Variants in COQ3 observed in about 807,000 individuals in gnomAD.
COQ3 encodes the protein coenzyme Q3, methyltransferase.
In COQ3, 29 loss-of-function variants were observed where a neutral mutation model predicts 33.1. That is an observed-to-expected ratio of 0.88 (90% CI 0.65 to 1.19). COQ3 has a LOEUF of 1.19. COQ3 is among the 50% of genes most tolerant of loss of function. The pLI is 0.00. For synonymous variants in COQ3, 173 were observed against 157.8 expected, an observed-to-expected ratio of 1.10 and a Z score of -0.72; for missense variants, 437 against 430.7, an observed-to-expected ratio of 1.01 and a Z score of -0.13.
rs961112236 is a variant in COQ3, at chr6:99,375,932, A to G, written c.729+8T>C. The G allele has an allele frequency of 6.2e-7, 1 of 1,613,752 alleles. No individual in the cohort carries two copies. Among genetic ancestry groups the G allele is most frequent in the Non-Finnish European group, 8.5e-7 (1 of 1,179,960 alleles). On this transcript the variant is annotated splice_region_variant and intron_variant, in intron 5 of 6. Transcript: ENST00000254759. Reference sequence around the variant, plus strand: ...AAGAAACCAAGATGTAAACTCCATAAGCCTTACTTTTAACACTTGACAGCA... The same window carrying G: ...AAGAAACCAAGATGTAAACTCCATAGGCCTTACTTTTAACACTTGACAGCA...
rs771217886 is a variant in COQ3, at chr6:99,376,189, G to A, written c.487-7C>T. 2 of 1,610,228 alleles carry A rather than the reference G, an allele frequency of 1.2e-6. No individual in the cohort carries two copies. The highest frequency in any genetic ancestry group is 1.7e-4 in the Middle Eastern group (1 of 6,038). On this transcript the variant is annotated splice_polypyrimidine_tract_variant and splice_region_variant and intron_variant, in intron 4 of 6. Transcript: ENST00000254759. Reference sequence around the variant, plus strand: ...CCCCAAGCCGCCCTAGAGGCTAATGGCATTAAAAAAACTGTTACCCTCAGG... The same window carrying A: ...CCCCAAGCCGCCCTAGAGGCTAATGACATTAAAAAAACTGTTACCCTCAGG...
Position 99,377,380 on chromosome 6 carries a change from A to G in COQ3, c.486+6T>C. The G allele has an allele frequency of 6.2e-7, 1 of 1,607,304 alleles. No individual in the cohort carries two copies. Among genetic ancestry groups the G allele is most frequent in the East Asian group, 2.2e-5 (1 of 44,790 alleles). ...AGTTAAAAATGGCAGGAAAGCTGTC[A>G]CTTACTTCAGTTAACAGCCCACCAC... is the stretch of plus-strand genomic sequence containing the variant. On this transcript the variant is annotated splice_donor_region_variant and intron_variant, in intron 4 of 6. Coordinates refer to ENST00000254759, the MANE Select transcript of COQ3 (RefSeq NM_017421.4).
intron 1 of COQ3, among the ~76,000 whole-genome samples, chr6:99,389,910 T>C (rs550472534): frequency 6.6e-6 from 1 of 152,280 alleles, no homozygotes; most frequent in South Asian, 2.1e-4. Context: ...GGTCAGGAGT[T>C]TGAGACCAGG....
At position 99,375,927 on chromosome 6, in the gene COQ3, C is replaced by T. The variant is rs1368354168; in HGVS notation, c.729+13G>A. On this transcript the variant is annotated intron_variant, in intron 5 of 6. Coordinates refer to ENST00000254759, the MANE Select transcript of COQ3 (RefSeq NM_017421.4). ...AGAAGAAGAAACCAAGATGTAAACT[C>T]CATAAGCCTTACTTTTAACACTTGA... The T allele has an allele frequency of 6.2e-7, 1 of 1,613,516 alleles. No homozygotes were observed. The highest frequency in any genetic ancestry group is 1.1e-5 in the South Asian group (1 of 91,038).
chr6:99,381,932 A>G (rs1210524172), intron 2 of COQ3, among the ~76,000 whole-genome samples: 13 of 151,742 alleles, frequency 8.6e-5, no homozygotes, highest in Non-Finnish European at 1.8e-4. Context: ...TCTCAAAAAA[A>G]AAAAAAAAAA....
At chr6:99,389,857 T>C (rs1321089294) in intron 1 of COQ3, among the ~76,000 whole-genome samples, 1 of 152,206 alleles carries the variant, frequency 6.6e-6, no homozygotes. Flanking sequence ...CTCATGCCTA[T>C]AATCCCAGCG....
Position 99,394,087 on chromosome 6 carries a change from T to C in COQ3, c.93A>G (p.Leu31=), listed in dbSNP as rs778713345. 18 of 1,613,698 alleles carry C rather than the reference T, an allele frequency of 1.1e-5. No homozygotes were observed. The highest frequency in any genetic ancestry group is 1.4e-5 in the Non-Finnish European group (17 of 1,179,794). Residue 31 remains leucine, a synonymous_variant, in exon 1 of 7, where the codon TTA becomes TTG. Transcript: ENST00000254759. ...GGCNTKAARP[L]ISSAVYVKNQ... is the part of the protein sequence containing the mutation. ...ACACACACTCACCCGCCGAGGAAAT[T>C]AAGGGACGCGCAGCTTTTGTATTAC...
chr6:99,385,050 G>A (rs970929841), intron 1 of COQ3, among the ~76,000 whole-genome samples: 5 of 152,236 alleles, frequency 3.3e-5, no homozygotes, highest in African/African-American at 1.2e-4. Flanking sequence ...GGCAGAGGCT[G>A]CAGTGAGCTG....
rs775236131 is a variant in COQ3, at chr6:99,380,255, C to T, written c.320G>A (p.Trp107Ter). The T allele has an allele frequency of 6.2e-7, 1 of 1,613,934 alleles. No homozygotes were observed. Among genetic ancestry groups the T allele is most frequent in the African/African-American group, 1.3e-5 (1 of 74,894 alleles). ...TGCATATACTCCTTGTTCATCCCAC[C>T]ATTTGTGAGCCAGGGCCAAGAAGGT... is the stretch of plus-strand genomic sequence containing the variant. ...VKTFLALAHKWWDEQGVYAPL... is the reference protein window; with the variant it reads ...VKTFLALAHK Residue 107 changes from tryptophan (W) to a stop codon, truncating the protein, a stop_gained, in exon 3 of 7, where the codon TGG (tryptophan) becomes TAG (stop). Coordinates refer to ENST00000254759, the MANE Select transcript of COQ3 (RefSeq NM_017421.4). LOFTEE classifies it high-confidence loss of function.
chr6:99,380,035 A>C (rs1438152806), intron 3 of COQ3, among the ~76,000 whole-genome samples, 154 bp downstream of exon 3: 1 of 152,190 alleles, frequency 6.6e-6, no homozygotes, highest in Non-Finnish European at 1.5e-5. Context: ...TAATGGTTTC[A>C]AACAGTGGTA....
In COQ3 at chr6:99,377,398, CCCA is replaced by C; in HGVS notation, c.471_473del (p.Gly158del). The C allele has an allele frequency of 6.2e-7, 1 of 1,612,938 alleles. No individual in the cohort carries two copies. Among genetic ancestry groups the C allele is most frequent in the Non-Finnish European group, 8.5e-7 (1 of 1,179,152 alleles). On this transcript the variant is annotated inframe_deletion, in exon 4 of 7. Coordinates refer to ENST00000254759, the MANE Select transcript of COQ3 (RefSeq NM_017421.4). ...AGCTGTCACTTACTTCAGTTAACAG[CCCA>C]CCACCACAGCCAACGTCAAGAATCT...
At chr6:99,370,182 TGA>T in intron 6 of COQ3, among the ~76,000 whole-genome samples, 1 of 152,310 alleles carries the variant, frequency 6.6e-6, no homozygotes, top group Admixed American at 6.5e-5. Flanking sequence ...TAGAATTAGA[TGA>T]GCTATATGTG....
chr6:99,369,923 C>G, intron 6 of COQ3, 103 bp from the exon 7 acceptor site: 1 of 730,416 alleles, frequency 1.4e-6, no homozygotes, highest in East Asian at 2.5e-5. Context: ...TGAGAGCACA[C>G]TAAATGGATA....
chr6:99,380,062 C>T (rs1461181991), intron 3 of COQ3, 127 bp downstream of exon 3: 2 of 809,014 alleles, frequency 2.5e-6, no homozygotes, highest in Admixed American at 5.8e-5. Flanking sequence ...AAGAATCTCC[C>T]TAATTTCCAA....
rs772620620 is a variant in COQ3 at position 99,383,842 on chromosome 6, A to T, written c.107-18T>A. ...CACATAAACTGAAAAAAAAAATTAA[A>T]TATCTAGAGAAAAGCTTTGCACAGT... On this transcript the variant is annotated intron_variant, in intron 1 of 6. Transcript: ENST00000254759. The T allele has an allele frequency of 1.3e-6, 2 of 1,553,262 alleles. No individual in the cohort carries two copies. Among genetic ancestry groups the T allele is most frequent in the Admixed American group, 4.2e-5 (2 of 47,070 alleles).
intron 4 of COQ3, among the ~76,000 whole-genome samples, chr6:99,376,679 AAC>A (rs1774290591): frequency 1.3e-5 from 2 of 152,170 alleles, no homozygotes; most frequent in South Asian, 4.1e-4. Flanking sequence ...CAAGTTTTTA[AAC>A]ACAGGTTGGC....
intron 3 of COQ3, among the ~76,000 whole-genome samples, chr6:99,378,139 TA>T (rs1774355253): frequency 9.8e-5 from 3 of 30,488 alleles, no homozygotes; most frequent in Non-Finnish European, 4.0e-4. Flanking sequence ...TATATATATA[TA>T]TATATATATA....
intron 5 of COQ3, among the ~76,000 whole-genome samples, chr6:99,374,216 A>G (rs1007962818): frequency 2.6e-5 from 4 of 152,172 alleles, no homozygotes; most frequent in African/African-American, 9.7e-5. Context: ...AGTTTTGAGA[A>G]CTGTACCATG....
At position 99,383,712 on chromosome 6, in the gene COQ3, T is replaced by C. The variant is rs1321788065; in HGVS notation, c.219A>G (p.Arg73=). ...SYRTIFSCLN[R]IKSFRYPWAR... ...AATAAACCCACCTGAAACTCTTTATTCTGTTCAAACAGGAAAAGATCGTCC... is the reference window on the plus strand; with the variant it reads ...AATAAACCCACCTGAAACTCTTTATCCTGTTCAAACAGGAAAAGATCGTCC... The change falls in exon 2 of 7, where the codon AGA becomes AGG. Residue 73 remains arginine, a synonymous_variant. Transcript: ENST00000254759. 1 of 1,587,784 alleles carries C rather than the reference T, an allele frequency of 6.3e-7. No homozygotes were observed. Among genetic ancestry groups the C allele is most frequent in the Non-Finnish European group, 8.5e-7 (1 of 1,171,652 alleles).
Sources: gnomAD v4.1 joint callset for allele counts (sites outside exome capture counted in the v4.1 genomes callset) on GRCh38, gnomAD v4.1.1 for gene constraint, MANE v1.5 for transcripts, NCBI Gene and HGNC (gene_info 2026-07-23, HGNC 2026-07-21) for gene names.